Variants in TMEM229B observed in about 807,000 individuals in gnomAD.
TMEM229B encodes transmembrane protein 229B.
Under a neutral mutation model 13.7 loss-of-function variants are expected in TMEM229B, and 6 were observed. That is an observed-to-expected ratio of 0.44 (90% CI 0.24 to 0.86). The LOEUF is 0.86. Ranked by LOEUF, TMEM229B falls within the 40% of genes least tolerant of loss-of-function variation. The pLI is 0.23. For synonymous variants in TMEM229B, 107 were observed against 102.1 expected (o/e 1.05, Z -0.29); for missense variants, 170 against 236.0 (o/e 0.72, Z 1.83).
At chr14:67,513,243 T>C (rs1293266533) in intron 1 of TMEM229B, among the ~76,000 whole-genome samples, 1 of 152,098 alleles carries the variant, frequency 6.6e-6, no homozygotes, top group Non-Finnish European at 1.5e-5. Flanking sequence ...TCCGAATAAA[T>C]AGCTTGGGAC....
intron 1 of TMEM229B, among the ~76,000 whole-genome samples, chr14:67,504,439 T>A (rs893524938): frequency 6.6e-6 from 1 of 152,246 alleles, no homozygotes; most frequent in Admixed American, 6.5e-5. Context: ...TCAGTTGTTG[T>A]CACTAACCTT....
At chr14:67,474,915 T>C (rs1486970888) in intron 2 of TMEM229B, among the ~76,000 whole-genome samples, 1 of 33,664 alleles carries the variant, frequency 3.0e-5, no homozygotes, top group Non-Finnish European at 5.4e-5. Context: ...AATTTCCTTC[T>C]TTTTTTTTTT....
At chr14:67,532,187 C>T (rs1292281987) in intron 1 of TMEM229B, among the ~76,000 whole-genome samples, 1 of 152,154 alleles carries the variant, frequency 6.6e-6, no homozygotes, top group South Asian at 2.1e-4. Context: ...AAAACTTCTA[C>T]GTGAGAATGG....
intron 1 of TMEM229B, among the ~76,000 whole-genome samples, chr14:67,530,953 G>A (rs1439912536): frequency 6.6e-6 from 1 of 152,176 alleles, no homozygotes; most frequent in Non-Finnish European, 1.5e-5. Context: ...ATCATTGAAG[G>A]ACTAAATTGG....
intron 1 of TMEM229B, among the ~76,000 whole-genome samples, chr14:67,526,077 T>C (rs961130636): frequency 7.2e-5 from 11 of 152,230 alleles, no homozygotes; most frequent in African/African-American, 2.2e-4. Flanking sequence ...CTGATTCCTT[T>C]GTGTGGGTCC....
chr14:67,523,228 C>T (rs138041134), intron 1 of TMEM229B, among the ~76,000 whole-genome samples: 1 of 151,162 alleles, frequency 6.6e-6, no homozygotes, highest in African/African-American at 2.4e-5. Context: ...GAGGCTAAGG[C>T]AGGGAGAATT....
At chr14:67,514,677 CT>C (rs1047905552) in intron 1 of TMEM229B, among the ~76,000 whole-genome samples, 7 of 152,146 alleles carry the variant, frequency 4.6e-5, no homozygotes, top group Non-Finnish European at 1.0e-4. Flanking sequence ...TGTCACCCCC[CT>C]CCACCCTGCT....
intron 1 of TMEM229B, among the ~76,000 whole-genome samples, chr14:67,495,482 C>T (rs2032330073): frequency 6.6e-6 from 1 of 151,840 alleles, no homozygotes; most frequent in South Asian, 2.1e-4. Context: ...TCACAGCCTT[C>T]TGGATTTTTT....
At chr14:67,479,683 A>T (rs2031465144) in intron 2 of TMEM229B, among the ~76,000 whole-genome samples, 1 of 152,118 alleles carries the variant, frequency 6.6e-6, no homozygotes. Context: ...GCGCCACTGC[A>T]CTCTAGCCTA....
chr14:67,494,207 G>A (rs886624095), intron 1 of TMEM229B, among the ~76,000 whole-genome samples: 4 of 152,152 alleles, frequency 2.6e-5, no homozygotes, highest in African/African-American at 9.7e-5. Flanking sequence ...TAATTAAAGG[G>A]AATGTTATCT....
intron 1 of TMEM229B, among the ~76,000 whole-genome samples, chr14:67,510,379 C>T (rs565208203): frequency 6.6e-6 from 1 of 152,246 alleles, no homozygotes; most frequent in Non-Finnish European, 1.5e-5. Context: ...ACCATCAGCT[C>T]ACACACAGAC....
intron 1 of TMEM229B, among the ~76,000 whole-genome samples, chr14:67,505,389 G>T (rs1002536373): frequency 3.9e-5 from 6 of 152,194 alleles, no homozygotes; most frequent in Non-Finnish European, 8.8e-5. Flanking sequence ...GGACATGGTG[G>T]ACTGGCATCT....
chr14:67,533,666 C>T (rs1194273374), exon 1 of TMEM229B: 1 of 152,152 alleles, frequency 6.6e-6, no homozygotes, highest in Non-Finnish European at 1.5e-5. Flanking sequence ...GATCCAGCCG[C>T]TCCTGGGAAG....
At chr14:67,507,160 G>A (rs1032626477) in intron 1 of TMEM229B, among the ~76,000 whole-genome samples, 3 of 152,138 alleles carry the variant, frequency 2.0e-5, no homozygotes, top group Non-Finnish European at 4.4e-5. Context: ...TTATACTCTC[G>A]CTAACACTGA....
intron 1 of TMEM229B, among the ~76,000 whole-genome samples, chr14:67,487,619 G>A (rs986002207): frequency 1.3e-5 from 2 of 152,160 alleles, no homozygotes; most frequent in East Asian, 1.9e-4. Context: ...ACAACCACTC[G>A]TGCAGAAAAA....
At chr14:67,487,241 G>C (rs1053063521) in intron 1 of TMEM229B, 69 bp from the exon 2 acceptor site, 4 of 152,172 alleles carry the variant, frequency 2.6e-5, no homozygotes, top group Non-Finnish European at 4.4e-5. Context: ...AACATTGCAA[G>C]GGCCTGGGCT....
chr14:67,502,122 C>T (rs991429001), intron 1 of TMEM229B, among the ~76,000 whole-genome samples: 24 of 152,046 alleles, frequency 1.6e-4, no homozygotes, highest in Admixed American at 1.4e-3. Context: ...CACCTGAGGT[C>T]GGGAGTTTGA....
At chr14:67,522,295 G>A (rs2033303922) in intron 1 of TMEM229B, among the ~76,000 whole-genome samples, 1 of 152,218 alleles carries the variant, frequency 6.6e-6, no homozygotes, top group Non-Finnish European at 1.5e-5. Context: ...TGACTCAGCA[G>A]TCAGCCTAGA....
chr14:67,526,761 G>A (rs2033373220), intron 1 of TMEM229B, among the ~76,000 whole-genome samples: 1 of 152,006 alleles, frequency 6.6e-6, no homozygotes, highest in Admixed American at 6.6e-5. Flanking sequence ...AGCCATCCTG[G>A]CCACTAGATG....
Sources: gnomAD v4.1 joint callset for allele counts (sites outside exome capture counted in the v4.1 genomes callset) on GRCh38, gnomAD v4.1.1 for gene constraint, MANE v1.5 for transcripts, NCBI Gene and HGNC (gene_info 2026-07-23, HGNC 2026-07-21) for gene names.